Variants in DOCK2 observed in about 807,000 individuals in gnomAD.
The protein encoded by DOCK2 is dedicator of cytokinesis protein 2.
In DOCK2, 87 loss-of-function variants were observed where a neutral mutation model predicts 248.9. The ratio of observed to expected loss-of-function variants is 0.35; its 90% CI spans 0.29 to 0.42. The LOEUF (loss-of-function observed/expected upper bound fraction) is 0.42, where lower values mean the gene tolerates loss of function less well. Ranked by LOEUF, DOCK2 falls within the 10% of genes least tolerant of loss-of-function variation. The probability of loss-of-function intolerance (pLI) is 1.00; values close to 1 mark genes in which losing one functional copy is unlikely to be tolerated. For synonymous variants in DOCK2, 805 were observed against 821.6 expected, an observed-to-expected ratio of 0.98 and a Z score of 0.35; for missense variants, 1,747 against 2,300.2, an observed-to-expected ratio of 0.76 and a Z score of 4.92.
intron 27 of DOCK2, among the ~76,000 whole-genome samples, chr5:169,852,923 C>T (rs1455842803): frequency 6.6e-6 from 1 of 152,176 alleles, no homozygotes; most frequent in East Asian, 1.9e-4. Context: ...GAGTGTCCTT[C>T]CCTGGGGGTG....
At chr5:169,756,456 G>A (rs1477088897) in intron 23 of DOCK2, among the ~76,000 whole-genome samples, 2 of 152,162 alleles carry the variant, frequency 1.3e-5, no homozygotes, top group East Asian at 3.9e-4. Flanking sequence ...GGGTATGATG[G>A]CCAGTGCTTG....
At chr5:169,847,164 G>A (rs1770367015) in intron 27 of DOCK2, among the ~76,000 whole-genome samples, 1 of 152,160 alleles carries the variant, frequency 6.6e-6, no homozygotes, top group Non-Finnish European at 1.5e-5. Flanking sequence ...ATACATGTGC[G>A]AGTGTCTTTT....
chr5:169,669,166 C>G (rs1036748428), intron 2 of DOCK2, 122 bp from the exon 3 acceptor site: 1 of 1,186,724 alleles, frequency 8.4e-7, no homozygotes, highest in Non-Finnish European at 1.2e-6. Context: ...TGATCTGTAC[C>G]CAAGGTCTAA....
intron 33 of DOCK2, among the ~76,000 whole-genome samples, chr5:170,023,647 AC>A (rs1344480949): frequency 2.6e-5 from 4 of 152,128 alleles, no homozygotes; most frequent in Non-Finnish European, 4.4e-5. Flanking sequence ...AGCCGCGCTG[AC>A]TTCCAGACAC....
chr5:169,781,098 C>T (rs1001630636), intron 25 of DOCK2, among the ~76,000 whole-genome samples: 1 of 152,110 alleles, frequency 6.6e-6, no homozygotes, highest in Non-Finnish European at 1.5e-5. Context: ...CATTCCGTCA[C>T]GAGGTGCACT....
At chr5:169,710,519 C>T (rs897835194) in intron 15 of DOCK2, among the ~76,000 whole-genome samples, 5 of 152,188 alleles carry the variant, frequency 3.3e-5, no homozygotes, top group African/African-American at 9.7e-5. Context: ...ATTACCAGAT[C>T]GTCACACTAA....
At chr5:170,009,697 C>T (rs1227125017) in intron 32 of DOCK2, among the ~76,000 whole-genome samples, 1 of 152,234 alleles carries the variant, frequency 6.6e-6, no homozygotes, top group Non-Finnish European at 1.5e-5. Context: ...ACGCTTCTTG[C>T]TTCCCCAGAC....
intron 23 of DOCK2, among the ~76,000 whole-genome samples, chr5:169,751,589 G>T (rs1391858378): frequency 6.6e-6 from 1 of 152,174 alleles, no homozygotes; most frequent in Non-Finnish European, 1.5e-5. Flanking sequence ...GAGCAGATCT[G>T]GTTCAAATCT....
At chr5:169,682,782 C>T (rs1358760196) in intron 7 of DOCK2, among the ~76,000 whole-genome samples, 1 of 152,110 alleles carries the variant, frequency 6.6e-6, no homozygotes, top group African/African-American at 2.4e-5. Flanking sequence ...ACTTCCATCA[C>T]CCTAAAAGTT....
chr5:170,078,863 G>A (rs934486439), intron 48 of DOCK2, 112 bp from the exon 49 acceptor site: 2 of 1,239,420 alleles, frequency 1.6e-6, no homozygotes, highest in Admixed American at 1.9e-5. Context: ...TCCAGACCCT[G>A]TAGTGACAGC....
At chr5:169,806,050 C>T (rs913534616) in intron 26 of DOCK2, among the ~76,000 whole-genome samples, 6 of 152,126 alleles carry the variant, frequency 3.9e-5, no homozygotes, top group Non-Finnish European at 8.8e-5. Context: ...ATGGAAATCT[C>T]TCTTCTTTTC....
At chr5:169,878,010 T>G (rs1460377155) in intron 27 of DOCK2, among the ~76,000 whole-genome samples, 4 of 152,240 alleles carry the variant, frequency 2.6e-5, no homozygotes, top group Admixed American at 2.6e-4. Context: ...ATTTTACAAC[T>G]GAAACCAAGC....
intron 20 of DOCK2, 28 bp from the exon 21 acceptor site, chr5:169,717,356 A>G (rs757477244): frequency 4.4e-6 from 7 of 1,605,422 alleles, no homozygotes; most frequent in Non-Finnish European, 5.1e-6. Context: ...TTTGCCCTGA[A>G]AATACTGCTG....
chr5:169,780,765 T>G (rs1468237820), intron 25 of DOCK2, among the ~76,000 whole-genome samples: 1 of 152,228 alleles, frequency 6.6e-6, no homozygotes, highest in African/African-American at 2.4e-5. Flanking sequence ...CTTCACTTAT[T>G]GTCATCCATA....
Position 170,057,612 on chromosome 5 carries a change from T to A in DOCK2, c.4413T>A (p.Thr1471=). The A allele has an allele frequency of 1.9e-6, 3 of 1,614,146 alleles. No individual in the cohort carries two copies. Among genetic ancestry groups the A allele is most frequent in the Non-Finnish European group, 2.5e-6 (3 of 1,179,994 alleles). ...GGATTGAGAGAACCTCCTTCGTGAC[T>A]GCATACAAGCTGCCGGGGATCCTGC... ...SMWIERTSFV[T]AYKLPGILRW... The change falls in exon 44 of 52, where the codon ACT becomes ACA. Residue 1471 remains threonine, a synonymous_variant. Coordinates refer to ENST00000520908, the MANE Select transcript of DOCK2 (RefSeq NM_004946.3).
chr5:169,721,537 G>A (rs934383355), intron 22 of DOCK2, among the ~76,000 whole-genome samples: 13 of 152,228 alleles, frequency 8.5e-5, no homozygotes, highest in African/African-American at 3.1e-4. Context: ...GCTTTGAGAT[G>A]TCTAACCCAG....
chr5:169,653,301 G>T (rs530601112), intron 1 of DOCK2, among the ~76,000 whole-genome samples: 1 of 152,268 alleles, frequency 6.6e-6, no homozygotes, highest in Non-Finnish European at 1.5e-5. Flanking sequence ...TTTTACAGTG[G>T]TATCTTCTTA....
chr5:169,963,080 G>A (rs7713679), intron 27 of DOCK2, among the ~76,000 whole-genome samples: 56,668 of 151,960 alleles, frequency 0.37, 10,884 homozygotes, highest in South Asian at 0.56. Context: ...AATATCTACT[G>A]GGTTCCCCTG....
At chr5:169,706,793 A>G (rs1161291952) in intron 14 of DOCK2, among the ~76,000 whole-genome samples, 1 of 152,200 alleles carries the variant, frequency 6.6e-6, no homozygotes, top group Non-Finnish European at 1.5e-5. Context: ...CTGTCAGTCA[A>G]TATTGAAACT....
Sources: gnomAD v4.1 joint callset for allele counts (sites outside exome capture counted in the v4.1 genomes callset) on GRCh38, gnomAD v4.1.1 for gene constraint, MANE v1.5 for transcripts, NCBI Gene and HGNC (gene_info 2026-07-23, HGNC 2026-07-21) for gene names.